Variants in CILP observed in about 807,000 individuals in gnomAD.
CILP encodes cartilage intermediate layer protein, also known as cartilage intermediate layer protein 1.
A neutral mutation model predicts 82.5 loss-of-function variants in CILP; 75 were observed. That is an observed-to-expected ratio of 0.91 (90% confidence interval 0.75 to 1.10). CILP has a LOEUF of 1.10. Ranked by LOEUF, CILP falls within the 50% of genes least tolerant of loss-of-function variation. CILP has a pLI of 0.00. For missense variants in CILP, 1,479 were observed against 1,530.8 expected, an observed-to-expected ratio of 0.97 and a Z score of 0.56; for synonymous variants, 530 against 580.3, an observed-to-expected ratio of 0.91 and a Z score of 1.25.
chr15:65,205,196 T>C (rs2088503994), intron 5 of CILP, 91 bp downstream of exon 5: 1 of 1,203,032 alleles, frequency 8.3e-7, no homozygotes, highest in Admixed American at 2.2e-5. Context: ...AATGAAGGAA[T>C]CCATCAGTCT....
chr15:65,195,928 A>G lies in CILP; in HGVS notation c.*803T>C, dbSNP rs1032438208. 1 of 152,272 alleles carries G rather than the reference A, an allele frequency of 6.6e-6. No individual in the cohort carries two copies. Among genetic ancestry groups the G allele is most frequent in the African/African-American group, 2.4e-5 (1 of 41,466 alleles). 9.4% of individuals were successfully genotyped at this position (152,272 alleles called of 1,614,324 possible). ...GGGGCGAGGACTTACACCACCTGTG[A>G]CTGCTTTCCAGAGTCCCCTGTACTC... On this transcript the variant is annotated 3_prime_UTR_variant, in exon 9 of 9. Transcript: ENST00000261883.
In CILP at chr15:65,207,784, G is replaced by A. The variant is rs1315062943; in HGVS notation, c.62-20C>T. Reference sequence around the variant, plus strand: ...GTCTCCCTGAGGGCCAGAAGGAGAAGCTAAGTGAGAGGCCAGGACTGGAAG... The same window carrying A: ...GTCTCCCTGAGGGCCAGAAGGAGAAACTAAGTGAGAGGCCAGGACTGGAAG... On this transcript the variant is annotated intron_variant, in intron 2 of 8. Coordinates refer to ENST00000261883, the MANE Select transcript of CILP (RefSeq NM_003613.4). 6.2e-7 allele frequency: 1 copy of A among 1,605,434 alleles called. No homozygotes were observed. The highest frequency in any genetic ancestry group is 1.1e-5 in the South Asian group (1 of 90,886).
chr15:65,204,233 C>A, intron 6 of CILP, 35 bp downstream of exon 6: 2 of 1,578,530 alleles, frequency 1.3e-6, no homozygotes, highest in South Asian at 2.3e-5. Context: ...AAATCTGGAC[C>A]TTCTCACCAG....
chr15:65,195,076 A>G lies in CILP; in HGVS notation c.*1655T>C, dbSNP rs1031160895. 6.6e-6 allele frequency: 1 copy of G among 152,276 alleles called. No individual in the cohort carries two copies. The highest frequency in any genetic ancestry group is 2.1e-4 in the South Asian group (1 of 4,818). The allele number at this position is 152,276 out of a possible 1,614,324, so 9.4% of individuals were successfully genotyped here. On this transcript the variant is annotated 3_prime_UTR_variant, in exon 9 of 9. Transcript: ENST00000261883. The stretch of plus-strand genomic sequence containing the variant: ...GAGTCTGGAAGTGGGTCAAGTTGCA[A>G]TCACAAGACCACTAGTCCTCACTCC...
At chr15:65,209,393 C>T (rs1276771720) in intron 2 of CILP, among the ~76,000 whole-genome samples, 2 of 152,094 alleles carry the variant, frequency 1.3e-5, no homozygotes, top group Non-Finnish European at 2.9e-5. Flanking sequence ...CCAGGAAGCT[C>T]GGAGCTCAAT....
intron 8 of CILP, among the ~76,000 whole-genome samples, chr15:65,199,561 A>G (rs1204404171): frequency 6.6e-6 from 1 of 152,192 alleles, no homozygotes. Flanking sequence ...AGTGGCTCAC[A>G]CCTGTTATCC....
intron 7 of CILP, 148 bp from the exon 8 acceptor site, chr15:65,202,177 C>A: frequency 1.6e-6 from 1 of 634,178 alleles, no homozygotes; most frequent in Non-Finnish European, 2.5e-6. Context: ...CATCCAAGAG[C>A]ACTAATTGGC....
chr15:65,209,798 G>A lies in CILP; in HGVS notation c.-43C>T. ...GGGAACGTGGCAAGAGGTAGATGTG[G>A]GTGCTTCACAGAGTCACTGACTCTG... On this transcript the variant is annotated 5_prime_UTR_variant, in exon 2 of 9. Coordinates refer to ENST00000261883, the MANE Select transcript of CILP (RefSeq NM_003613.4). 2.5e-6 allele frequency: 4 copies of A among 1,588,870 alleles called. No homozygotes were observed. Among genetic ancestry groups the A allele is most frequent in the Non-Finnish European group, 3.5e-6 (4 of 1,157,238 alleles).
chr15:65,197,573 C>T lies in CILP; in HGVS notation c.2713G>A (p.Ala905Thr), dbSNP rs779610888. Residue 905 changes from alanine to threonine, a missense_variant, in exon 9 of 9, where the codon GCA becomes ACA. Transcript: ENST00000261883. The stretch of plus-strand genomic sequence containing the variant: ...CGGAAGTGGGCTGCACTGGGTGGTG[C>T]CTCTTCACATGCCCGGAGGTTCTCA... Reference protein sequence around the residue: ...AFENLRACEEAPPSAAHFRFY... With the variant: ...AFENLRACEETPPSAAHFRFY... The T allele has an allele frequency of 6.2e-7, 1 of 1,614,232 alleles. No homozygotes were observed. Among genetic ancestry groups the T allele is most frequent in the South Asian group, 1.1e-5 (1 of 91,084 alleles).
In CILP at chr15:65,207,662, C is replaced by T. The variant is rs2088533210; in HGVS notation, c.154+10G>A. On this transcript the variant is annotated intron_variant, in intron 3 of 8. Transcript: ENST00000261883. Reference sequence around the variant, plus strand: ...CCCTCCAGCCCCTCCCTGCTTCAGCCACAACTCACTCTCCAGGGTGTCGGC... The same window carrying T: ...CCCTCCAGCCCCTCCCTGCTTCAGCTACAACTCACTCTCCAGGGTGTCGGC... 2 of 1,613,530 alleles carry T rather than the reference C, an allele frequency of 1.2e-6. No homozygotes were observed. Among genetic ancestry groups the T allele is most frequent in the South Asian group, 1.1e-5 (1 of 91,050 alleles).
At position 65,205,579 on chromosome 15, in the gene CILP, G is replaced by A. The variant is rs139271801; in HGVS notation, c.425-113C>T. ...TAAAGACAAGGTTTCCATTTATGTC[G>A]TAGATGTCACTGATATTTATATTTA... On this transcript the variant is annotated intron_variant, in intron 4 of 8. Transcript: ENST00000261883. 112 of 1,035,578 alleles carry A rather than the reference G, an allele frequency of 1.1e-4. No homozygotes were observed. In the African/African-American group the frequency reaches 1.5e-3, roughly 14 times the overall value. 64.1% of individuals were successfully genotyped at this position (1,035,578 alleles called of 1,614,324 possible).
chr15:65,200,738 G>T (rs370050662), intron 8 of CILP, among the ~76,000 whole-genome samples: 31 of 152,282 alleles, frequency 2.0e-4, no homozygotes, highest in African/African-American at 7.2e-4. Context: ...ATCACATGGG[G>T]AGGTTTTAAA....
chr15:65,199,786 A>G (rs2088427740), intron 8 of CILP, among the ~76,000 whole-genome samples: 1 of 152,158 alleles, frequency 6.6e-6, no homozygotes, highest in African/African-American at 2.4e-5. Flanking sequence ...GTGTGCCACT[A>G]CCCTCCAGCC....
Position 65,202,961 on chromosome 15 carries a change from G to T in CILP, c.1028+401C>A, listed in dbSNP as rs574700255. On this transcript the variant is annotated intron_variant, in intron 7 of 8. Transcript: ENST00000261883. The stretch of plus-strand genomic sequence containing the variant: ...AGCGATCCTCCTACCTCATCCTGCC[G>T]AGTAGCTGGTACTAGAAACACAAGC... Among the ~76,000 whole-genome samples the T allele has an allele frequency of 1.5e-4, 23 of 150,962 alleles. No individual in the cohort carries two copies. The South Asian group carries it at 4.4e-3, about 29-fold the overall frequency.
intron 7 of CILP, 104 bp from the exon 8 acceptor site, chr15:65,202,133 TC>T: frequency 1.1e-6 from 1 of 940,366 alleles, no homozygotes. Context: ...ATGAATGGGT[TC>T]CCACAAATGT....
At position 65,195,129 on chromosome 15, in the gene CILP, T is replaced by C. The variant is rs2088346832; in HGVS notation, c.*1602A>G. 6.6e-6 allele frequency: 1 copy of C among 152,194 alleles called. No homozygotes were observed. The highest frequency in any genetic ancestry group is 6.5e-5 in the Admixed American group (1 of 15,276). 9.4% of individuals were successfully genotyped at this position (152,194 alleles called of 1,614,324 possible). On this transcript the variant is annotated 3_prime_UTR_variant, in exon 9 of 9. Coordinates refer to ENST00000261883, the MANE Select transcript of CILP (RefSeq NM_003613.4). ...CAGATGCTTGCTTTTTCTATGGTTA[T>C]TGTGATGTGCTCAGCTAGAGAAATT...
In CILP at chr15:65,197,918, G is replaced by A. The variant is rs2140671107; in HGVS notation, c.2368C>T (p.Pro790Ser). The A allele has an allele frequency of 1.2e-6, 2 of 1,614,120 alleles. No homozygotes were observed. Among genetic ancestry groups the A allele is most frequent in the East Asian group, 4.5e-5 (2 of 44,868 alleles). Residue 790 changes from proline to serine, a missense_variant, in exon 9 of 9, where the codon CCT (proline) becomes TCT (serine). Coordinates refer to ENST00000261883, the MANE Select transcript of CILP (RefSeq NM_003613.4). ...CTGTCAAAGCGGCCCCAGGCCCTAG[G>A]GTTGGACAAGAAGCCAGTTCTAGGC... ...LEPRTGFLSN[P>S]RAWGRFDSVI...
chr15:65,203,000 TA>T (rs1297893313), intron 7 of CILP, among the ~76,000 whole-genome samples: 1 of 152,010 alleles, frequency 6.6e-6, no homozygotes, highest in Non-Finnish European at 1.5e-5. Context: ...CAAACCTGGC[TA>T]ATTTTTTGCA....
chr15:65,205,302 C>G lies in CILP; in HGVS notation c.589G>C (p.Gly197Arg). 1 of 1,613,374 alleles carries G rather than the reference C, an allele frequency of 6.2e-7. No individual in the cohort carries two copies. The highest frequency in any genetic ancestry group is 8.5e-7 in the Non-Finnish European group (1 of 1,179,660). ...EASEEGQHCMGQDCTACDLTC... is the reference protein window; with the variant it reads ...EASEEGQHCMRQDCTACDLTC... ...AGGGTGGTACCTGTACAGTCCTGGCCCATGCAGTGCTGACCCTCTTCGCTG... is the reference window on the plus strand; with the variant it reads ...AGGGTGGTACCTGTACAGTCCTGGCGCATGCAGTGCTGACCCTCTTCGCTG... Residue 197 changes from glycine to arginine, a missense_variant, in exon 5 of 9, where the codon GGC becomes CGC. Physicochemically the swap from Gly to Arg is moderately radical, Grantham distance 125 (BLOSUM62 -2). Coordinates refer to ENST00000261883, the MANE Select transcript of CILP (RefSeq NM_003613.4).
Sources: gnomAD v4.1 joint callset for allele counts (sites outside exome capture counted in the v4.1 genomes callset) on GRCh38, gnomAD v4.1.1 for gene constraint, MANE v1.5 for transcripts, NCBI Gene and HGNC (gene_info 2026-07-23, HGNC 2026-07-21) for gene names.